The following ZC3H11A variants were observed in gnomAD, a reference collection of about 807,000 sequenced individuals.
ZC3H11A encodes the protein zinc finger CCCH-type containing 11A.
Under a neutral mutation model 90.8 loss-of-function variants are expected in ZC3H11A, and 22 were observed. The observed-to-expected ratio is 0.24, with a 90% CI of 0.17 to 0.35. The LOEUF is 0.35. Ranked by LOEUF, ZC3H11A falls within the 10% of genes least tolerant of loss-of-function variation. The pLI is 1.00. For synonymous variants in ZC3H11A, 294 were observed against 339.8 expected, an observed-to-expected ratio of 0.87 and a Z score of 1.48; for missense variants, 701 against 964.9, an observed-to-expected ratio of 0.73 and a Z score of 3.62.
rs141889624 is a variant in ZC3H11A at position 203,839,885 on chromosome 1, C to T, written c.974-421C>T. Among the ~76,000 whole-genome samples the T allele has an allele frequency of 1.9e-3, 285 of 152,262 alleles. 2 individuals carry two copies. The highest frequency in any genetic ancestry group is 6.5e-3 in the African/African-American group (270 of 41,542). ...GTAGCGCTATCTCAGCTCACCCCAA[C>T]CTCCACCTCCCGGGTTCAAACGATT... On this transcript the variant is annotated intron_variant, in intron 11 of 17. Coordinates refer to ENST00000367210, the MANE Select transcript of ZC3H11A (RefSeq NM_001376342.1).
At chr1:203,813,436 A>G (rs1198698168) in intron 2 of ZC3H11A, among the ~76,000 whole-genome samples, 1 of 152,086 alleles carries the variant, frequency 6.6e-6, no homozygotes, top group East Asian at 1.9e-4. Flanking sequence ...GTTGTTATCC[A>G]TGTTATTTTT....
At position 203,802,050 on chromosome 1, in the gene ZC3H11A, T is replaced by A. The variant is rs1046313203; in HGVS notation, c.-1112T>A. 7.2e-5 allele frequency: 11 copies of A among 152,602 alleles called. No individual in the cohort carries two copies. Among genetic ancestry groups the A allele is most frequent in the African/African-American group, 2.4e-4 (10 of 41,452 alleles). 9.5% of individuals were successfully genotyped at this position (152,602 alleles called of 1,614,324 possible). ...TTGATACAAAATAAGAAATAAATTT[T>A]CCCTTAGATAAAGCTTTCTGTGTTT... On this transcript the variant is annotated 5_prime_UTR_variant, in exon 2 of 18. Coordinates refer to ENST00000367210, the MANE Select transcript of ZC3H11A (RefSeq NM_001376342.1).
At chr1:203,815,379 CTTTTTTTTTT>C (rs397711285) in intron 2 of ZC3H11A, among the ~76,000 whole-genome samples, 2 of 96,914 alleles carry the variant, frequency 2.1e-5, no homozygotes, top group African/African-American at 4.2e-5. Flanking sequence ...CCACACCCAG[CTTTTTTTTTT>C]TTTTTTTTTT....
chr1:203,829,208 A>G (rs1032770977), intron 5 of ZC3H11A: 5 of 553,454 alleles, frequency 9.0e-6, no homozygotes, highest in East Asian at 6.2e-5. Context: ...TGCTTCTTCT[A>G]GTCTTCTGTT....
intron 17 of ZC3H11A, 120 bp from the exon 18 acceptor site, chr1:203,852,020 AT>A: frequency 1.3e-6 from 1 of 772,776 alleles, no homozygotes; most frequent in East Asian, 3.0e-5. Context: ...CAGTAAAAGA[AT>A]TATTTCTTTA....
chr1:203,803,397 G>T (rs1233152571), intron 2 of ZC3H11A, among the ~76,000 whole-genome samples: 4 of 152,026 alleles, frequency 2.6e-5, no homozygotes, highest in Non-Finnish European at 5.9e-5. Context: ...CACCATCTTG[G>T]CCAGGCTGGT....
chr1:203,823,088 AATGT>A (rs1679315880), intron 4 of ZC3H11A, among the ~76,000 whole-genome samples: 1 of 222 alleles, frequency 4.5e-3, no homozygotes, highest in Admixed American at 0.5. Context: ...ATGAAAAGTC[AATGT>A]TGTAACATTT....
At chr1:203,829,418 G>T in intron 5 of ZC3H11A, 33 bp from the exon 6 acceptor site, 1 of 1,612,832 alleles carries the variant, frequency 6.2e-7, no homozygotes, top group Non-Finnish European at 8.5e-7. Context: ...TGTATCTTCT[G>T]TTTTTAATTT....
Position 203,850,700 on chromosome 1 carries a change from TTG to T in ZC3H11A, c.2106+22_2106+23del. 1 of 1,608,804 alleles carries T rather than the reference TTG, an allele frequency of 6.2e-7. No individual in the cohort carries two copies. Among genetic ancestry groups the T allele is most frequent in the East Asian group, 2.2e-5 (1 of 44,680 alleles). On this transcript the variant is annotated intron_variant, in intron 16 of 17. Transcript: ENST00000367210. ...AGCTGTGGTAAGAAGTATATTCACT[TTG>T]TGGTGCTTTATTCTGTGTGGTAGGA...
chr1:203,798,215 G>A (rs1218569512), intron 1 of ZC3H11A: 3 of 1,536,028 alleles, frequency 2.0e-6, no homozygotes, highest in Admixed American at 3.9e-5. Context: ...TGGGCAAGAA[G>A]CATGATAAAT....
intron 1 of ZC3H11A, chr1:203,800,209 C>G: frequency 6.8e-7 from 1 of 1,477,590 alleles, no homozygotes; most frequent in Non-Finnish European, 9.1e-7. Context: ...AGCATATGGC[C>G]GGCTTTGACC....
At chr1:203,809,740 G>A (rs1553260155) in intron 2 of ZC3H11A, among the ~76,000 whole-genome samples, 1 of 152,058 alleles carries the variant, frequency 6.6e-6, no homozygotes, top group Non-Finnish European at 1.5e-5. Flanking sequence ...GATCACTTGA[G>A]GTCAGGAGTT....
At chr1:203,825,618 T>C (rs961193741) in intron 4 of ZC3H11A, among the ~76,000 whole-genome samples, 8 of 152,034 alleles carry the variant, frequency 5.3e-5, no homozygotes, top group African/African-American at 1.9e-4. Flanking sequence ...TATTTTTTAG[T>C]AGAGACGGGG....
At chr1:203,797,389 T>C (rs1668895588) in intron 1 of ZC3H11A, 2 of 810,854 alleles carry the variant, frequency 2.5e-6, no homozygotes, top group Non-Finnish European at 3.6e-6. Context: ...TTGGAAGTTA[T>C]TGGTCCAGTG....
chr1:203,844,574 ATTG>A (rs933451432), intron 12 of ZC3H11A, among the ~76,000 whole-genome samples: 1 of 152,080 alleles, frequency 6.6e-6, no homozygotes, highest in African/African-American at 2.4e-5. Context: ...TATCTTAAAT[ATTG>A]TTGTTTTTCC....
intron 2 of ZC3H11A, among the ~76,000 whole-genome samples, chr1:203,808,048 G>GT (rs1046254277): frequency 2.0e-5 from 3 of 151,334 alleles, no homozygotes; most frequent in African/African-American, 4.9e-5. Flanking sequence ...GGCCTGTTTT[G>GT]TTTTTTTTCT....
chr1:203,798,429 A>G, intron 1 of ZC3H11A: 1 of 1,534,706 alleles, frequency 6.5e-7, no homozygotes, highest in Non-Finnish European at 8.7e-7. Context: ...CCACTTAGGG[A>G]CTTCAACACT....
intron 2 of ZC3H11A, among the ~76,000 whole-genome samples, chr1:203,816,532 G>A (rs955033072): frequency 6.6e-6 from 1 of 152,154 alleles, no homozygotes; most frequent in Non-Finnish European, 1.5e-5. Flanking sequence ...GGGGGAGGCT[G>A]AGGTGGGAGA....
chr1:203,840,355 A>G lies in ZC3H11A; in HGVS notation c.1023A>G (p.Pro341=). Residue 341 remains proline, a synonymous_variant, in exon 12 of 18, where the codon CCA becomes CCG. Coordinates refer to ENST00000367210, the MANE Select transcript of ZC3H11A (RefSeq NM_001376342.1). ...LKERLGMSAD[P]DNEDATDKVN... ...AGCGATTAGGCATGTCAGCTGATCC[A>G]GATAATGAGGATGCAACAGGTAAGT... 1 of 1,613,220 alleles carries G rather than the reference A, an allele frequency of 6.2e-7. No individual in the cohort carries two copies. The highest frequency in any genetic ancestry group is 8.5e-7 in the Non-Finnish European group (1 of 1,179,414).
Sources: gnomAD v4.1 joint callset for allele counts (sites outside exome capture counted in the v4.1 genomes callset) on GRCh38, gnomAD v4.1.1 for gene constraint, MANE v1.5 for transcripts, NCBI Gene and HGNC (gene_info 2026-07-23, HGNC 2026-07-21) for gene names.